The following EFCAB6 variants were observed in gnomAD, a reference collection of about 807,000 sequenced individuals.
The protein encoded by EFCAB6 is EF-hand calcium-binding domain-containing protein 6.
A neutral mutation model predicts 169.8 loss-of-function variants in EFCAB6; 156 were observed. That is an observed-to-expected ratio of 0.92 (90% CI 0.81 to 1.05). The LOEUF is 1.05. Among genes scored for constraint, EFCAB6 ranks in the 50% least tolerant of loss-of-function variants. The probability of loss-of-function intolerance (pLI) is 0.00; values close to 1 mark genes in which losing one functional copy is unlikely to be tolerated. For missense variants in EFCAB6, 1,800 were observed against 1,829.1 expected (o/e 0.98, Z 0.29); for synonymous variants, 698 against 676.4 (o/e 1.03, Z -0.50).
At chr22:43,601,737 C>T (rs972622209) in intron 22 of EFCAB6, among the ~76,000 whole-genome samples, 7 of 152,364 alleles carry the variant, frequency 4.6e-5, no homozygotes, top group South Asian at 4.1e-4. Context: ...AGCAGATAGA[C>T]GTTTGGGTAA....
chr22:43,570,612 C>CTTTTTTTTTTTTTTTT (rs34079137), intron 26 of EFCAB6, among the ~76,000 whole-genome samples: 1 of 146,936 alleles, frequency 6.8e-6, no homozygotes, highest in Non-Finnish European at 1.5e-5. Flanking sequence ...TAGGTGTTCT[C>CTTTTTTTTTTTTTTTT]TTTTTTTTTT....
chr22:43,811,836 C>T (rs542889299), intron 1 of EFCAB6, among the ~76,000 whole-genome samples: 1 of 152,206 alleles, frequency 6.6e-6, no homozygotes, highest in South Asian at 2.1e-4. Flanking sequence ...AGATTTAGGG[C>T]GTTTCCACAC....
chr22:43,608,550 G>A lies in EFCAB6; in HGVS notation c.2613C>T (p.Asp871=). 12 of 1,614,162 alleles carry A rather than the reference G, an allele frequency of 7.4e-6. No homozygotes were observed. Among genetic ancestry groups the A allele is most frequent in the Non-Finnish European group, 1.0e-5 (12 of 1,180,022 alleles). ...CAAAACCGTACAGTGCGTTCTTTAT[G>A]TCCCGGCGTCGAAGAATGCCATTGC... is the stretch of plus-strand genomic sequence containing the variant. ...NEGNGILRRR[D]IKNALYGFDI... The change falls in exon 22 of 32, where the codon GAC becomes GAT. Residue 871 remains aspartate, a synonymous_variant. Transcript: ENST00000262726.
chr22:43,647,434 T>A (rs2056230803), intron 17 of EFCAB6, among the ~76,000 whole-genome samples: 1 of 152,250 alleles, frequency 6.6e-6, no homozygotes, highest in South Asian at 2.1e-4. Flanking sequence ...TGAGCATCTC[T>A]GACAGGTTCT....
At chr22:43,782,349 T>A (rs1056449797) in intron 2 of EFCAB6, 24 bp from the exon 3 acceptor site, 2 of 1,605,486 alleles carry the variant, frequency 1.2e-6, no homozygotes, top group Non-Finnish European at 1.7e-6. Flanking sequence ...GAAAACAGAT[T>A]ACGTTACCTT....
intron 16 of EFCAB6, 25 bp downstream of exon 16, chr22:43,668,847 G>C: frequency 6.4e-7 from 1 of 1,565,604 alleles, no homozygotes. Flanking sequence ...GTTTTGATAT[G>C]TGCATTCATT....
chr22:43,801,868 A>C (rs900723740), intron 2 of EFCAB6, among the ~76,000 whole-genome samples: 4 of 152,228 alleles, frequency 2.6e-5, no homozygotes, highest in Admixed American at 6.5e-5. Context: ...TTACTCATCA[A>C]CAATAACACT....
Position 43,600,207 on chromosome 22 carries a change from C to T in EFCAB6, c.2738G>A (p.Gly913Asp), listed in dbSNP as rs1461236377. 1.2e-6 allele frequency: 2 copies of T among 1,614,124 alleles called. No individual in the cohort carries two copies. The highest frequency in any genetic ancestry group is 2.2e-5 in the East Asian group (1 of 44,884). Residue 913 changes from glycine (G) to aspartate (D), a missense_variant, in exon 23 of 32, where the codon GGT becomes GAT. Transcript: ENST00000262726. ...ITYQEFLQKL[G>D]INYSPAVHRP... ...ATGGACAGCAGGCGAATAGTTAATA[C>T]CCAATTTCTGTAAAAATTCCTGGTA... is the stretch of plus-strand genomic sequence containing the variant.
rs115996440 is a variant in EFCAB6 at position 43,731,041 on chromosome 22, G to C, written c.757+658C>G. 9.3e-3 allele frequency among the ~76,000 whole-genome samples: 1,410 copies of C among 152,246 alleles called. 20 individuals carry two copies. The highest frequency in any genetic ancestry group is 0.033 in the African/African-American group (1,356 of 41,536). On this transcript the variant is annotated intron_variant, in intron 8 of 31. Transcript: ENST00000262726. The stretch of plus-strand genomic sequence containing the variant: ...CCACTGAGGGGAAATCTTATTTAAG[G>C]TGAGGAAAATGACCAAAGGCTGGGA...
intron 27 of EFCAB6, among the ~76,000 whole-genome samples, chr22:43,545,037 C>T (rs2047971125): frequency 6.6e-6 from 1 of 152,226 alleles, no homozygotes; most frequent in African/African-American, 2.4e-5. Context: ...GTCCCAGATA[C>T]TCAGGAGGCT....
At chr22:43,812,042 C>CCTT (rs3045454) in intron 1 of EFCAB6, 126 bp downstream of exon 1, 30,576 of 152,186 alleles carry the variant, frequency 0.2, 3,769 homozygotes, top group East Asian at 0.49. Context: ...AATCACCACC[C>CCTT]CTTCGTCCCT....
chr22:43,614,387 T>C (rs1394609009), intron 21 of EFCAB6, among the ~76,000 whole-genome samples: 3 of 152,110 alleles, frequency 2.0e-5, no homozygotes, highest in Non-Finnish European at 4.4e-5. Context: ...AAAGACAGTC[T>C]TTTCAATAAA....
chr22:43,574,497 C>T (rs2050105589), intron 26 of EFCAB6, among the ~76,000 whole-genome samples: 2 of 152,136 alleles, frequency 1.3e-5, no homozygotes, highest in Admixed American at 1.3e-4. Flanking sequence ...GGGCCCAGAG[C>T]TTAGTAGGTG....
chr22:43,536,110 T>C (rs2047370527), intron 29 of EFCAB6: 1 of 151,898 alleles, frequency 6.6e-6, no homozygotes, highest in African/African-American at 2.4e-5. Flanking sequence ...AATGAGTTCA[T>C]GGTTGAAAAG....
intron 8 of EFCAB6, among the ~76,000 whole-genome samples, 160 bp from the exon 9 acceptor site, chr22:43,717,132 A>C (rs2059357935): frequency 6.6e-6 from 1 of 152,190 alleles, no homozygotes; most frequent in Non-Finnish European, 1.5e-5. Context: ...TAACTGGCTA[A>C]ACATTTTGGA....
chr22:43,625,421 A>T (rs2054432572), intron 20 of EFCAB6, among the ~76,000 whole-genome samples: 1 of 152,342 alleles, frequency 6.6e-6, no homozygotes, highest in African/African-American at 2.4e-5. Context: ...GTCAAGGAGG[A>T]GATGACTTGC....
At chr22:43,629,091 A>T (rs1043728851) in intron 19 of EFCAB6, among the ~76,000 whole-genome samples, 5 of 152,184 alleles carry the variant, frequency 3.3e-5, no homozygotes, top group Admixed American at 3.3e-4. Flanking sequence ...GAAGCAAATC[A>T]TGGCAATCCA....
chr22:43,730,227 GC>G (rs2147600958), intron 8 of EFCAB6, among the ~76,000 whole-genome samples: 1 of 968 alleles, frequency 1.0e-3, no homozygotes, highest in Non-Finnish European at 1.8e-3. Context: ...GAAAAGGAGG[GC>G]AGGAGGGAAG....
intron 10 of EFCAB6, among the ~76,000 whole-genome samples, chr22:43,700,172 T>TAC (rs1035191646): frequency 2.6e-5 from 4 of 152,208 alleles, no homozygotes; most frequent in Non-Finnish European, 5.9e-5. Flanking sequence ...CACATGCACA[T>TAC]ACACACACAC....
Sources: allele counts gnomAD v4.1 joint callset (sites outside exome capture counted in the v4.1 genomes callset), GRCh38; gene constraint gnomAD v4.1.1; transcripts MANE v1.5; gene names NCBI Gene and HGNC (gene_info 2026-07-23, HGNC 2026-07-21).